DLGAP2: variants seen among roughly 807,000 people sequenced by gnomAD.
DLGAP2 encodes the protein disks large-associated protein 2.
Under a neutral mutation model 100.3 loss-of-function variants are expected in DLGAP2, and 26 were observed. The ratio of observed to expected loss-of-function variants is 0.26; its 90% CI spans 0.19 to 0.36. The LOEUF (loss-of-function observed/expected upper bound fraction) is 0.36. Among genes scored for constraint, DLGAP2 ranks in the 10% least tolerant of loss-of-function variants. The pLI is 1.00. For synonymous variants in DLGAP2, 886 were observed against 630.1 expected (o/e 1.41, Z -6.08); for missense variants, 1,858 against 1,453.2 (o/e 1.28, Z -4.53).
chr8:1,013,163 C>G (rs1218650918), intron 2 of DLGAP2, among the ~76,000 whole-genome samples: 3 of 152,190 alleles, frequency 2.0e-5, no homozygotes, highest in Non-Finnish European at 4.4e-5. Context: ...GCCTGTGCTG[C>G]TAATTCCTTT....
chr8:1,234,169 A>T (rs972042904), intron 2 of DLGAP2, among the ~76,000 whole-genome samples: 1 of 152,244 alleles, frequency 6.6e-6, no homozygotes, highest in African/African-American at 2.4e-5. Flanking sequence ...GAAAGCGGAA[A>T]GTCCTGTGCG....
At chr8:905,143 AT>A (rs1399102257) in intron 1 of DLGAP2, among the ~76,000 whole-genome samples, 1 of 152,010 alleles carries the variant, frequency 6.6e-6, no homozygotes, top group Non-Finnish European at 1.5e-5. Context: ...AAGGTTGATG[AT>A]TTGTCTTGGA....
chr8:1,365,392 T>G (rs2129679576), intron 3 of DLGAP2, among the ~76,000 whole-genome samples: 1 of 152,238 alleles, frequency 6.6e-6, no homozygotes, highest in East Asian at 1.9e-4. Flanking sequence ...TTCCTGCCTC[T>G]CCACTGGCTC....
intron 2 of DLGAP2, among the ~76,000 whole-genome samples, chr8:1,081,756 C>T (rs1244913487): frequency 6.6e-6 from 1 of 152,182 alleles, no homozygotes; most frequent in Non-Finnish European, 1.5e-5. Flanking sequence ...CCAAAGTTCA[C>T]CCAGGATACT....
chr8:1,279,850 C>T (rs975734634), intron 3 of DLGAP2, among the ~76,000 whole-genome samples: 11 of 152,188 alleles, frequency 7.2e-5, no homozygotes, highest in African/African-American at 2.4e-4. Flanking sequence ...TGACCTTGAC[C>T]GCCCTCTGTT....
chr8:1,188,957 T>A (rs1366348462), intron 2 of DLGAP2, among the ~76,000 whole-genome samples: 1 of 152,026 alleles, frequency 6.6e-6, no homozygotes, highest in Non-Finnish European at 1.5e-5. Flanking sequence ...GCGGTTGGGG[T>A]TGACCGTACA....
At chr8:1,214,350 C>T (rs111805077) in intron 2 of DLGAP2, among the ~76,000 whole-genome samples, 11 of 152,160 alleles carry the variant, frequency 7.2e-5, no homozygotes, top group African/African-American at 2.4e-4. Context: ...CGTGAGCAGC[C>T]CAGGGTGCTT....
At chr8:774,149 T>C (rs1821445440) in intron 1 of DLGAP2, among the ~76,000 whole-genome samples, 1 of 152,218 alleles carries the variant, frequency 6.6e-6, no homozygotes, top group African/African-American at 2.4e-5. Context: ...ATGTCTTCTT[T>C]TGAGAAGTGT....
In DLGAP2 at chr8:1,692,463, A is replaced by ACGGCCC. The variant is rs1456770851; in HGVS notation, c.2796+837_2796+838insCGGCCC. On this transcript the variant is annotated intron_variant, in intron 13 of 14. Transcript: ENST00000637795. ...GCGGTACCGAGGCAGGGAGGTGGAT[A>ACGGCCC]TGGCCCTGGTTTAAGCAGTACCGAG... Among the ~76,000 whole-genome samples, 1,009 of 150,946 alleles carry ACGGCCC rather than the reference A, an allele frequency of 6.7e-3. 121 individuals carry two copies. Among genetic ancestry groups the ACGGCCC allele is most frequent in the South Asian group, 0.022 (103 of 4,716 alleles).
intron 2 of DLGAP2, among the ~76,000 whole-genome samples, chr8:1,175,832 G>C (rs185494285): frequency 2.0e-5 from 3 of 152,282 alleles, no homozygotes; most frequent in African/African-American, 4.8e-5. Context: ...GAAGGCACTC[G>C]GCATTGGATT....
intron 2 of DLGAP2, among the ~76,000 whole-genome samples, chr8:1,170,224 G>A (rs1280904956): frequency 5.9e-5 from 9 of 152,284 alleles, no homozygotes; most frequent in Non-Finnish European, 1.0e-4. Context: ...TGCATCCCAG[G>A]GATGAAGCCC....
At chr8:771,013 A>G (rs1172582951) in intron 1 of DLGAP2, among the ~76,000 whole-genome samples, 2 of 151,898 alleles carry the variant, frequency 1.3e-5, no homozygotes, top group Non-Finnish European at 2.9e-5. Context: ...ATGATTTTGG[A>G]AGTGTGAGTG....
chr8:1,010,437 CACAT>C (rs1231759033), intron 2 of DLGAP2, among the ~76,000 whole-genome samples: 2 of 152,234 alleles, frequency 1.3e-5, no homozygotes, highest in Non-Finnish European at 2.9e-5. Flanking sequence ...CATATGCACA[CACAT>C]ACTCATATTC....
intron 3 of DLGAP2, among the ~76,000 whole-genome samples, chr8:1,364,145 G>T (rs776597313): frequency 6.6e-6 from 1 of 152,122 alleles, no homozygotes; most frequent in Admixed American, 6.5e-5. Context: ...CCCGTCTCCC[G>T]TGCCTCCTCC....
chr8:783,617 A>T (rs1182726303), intron 1 of DLGAP2, among the ~76,000 whole-genome samples: 1 of 152,140 alleles, frequency 6.6e-6, no homozygotes, highest in Non-Finnish European at 1.5e-5. Flanking sequence ...TTCTTATCTT[A>T]GGGTTTACGG....
chr8:1,181,836 C>T (rs1217856295), intron 2 of DLGAP2, among the ~76,000 whole-genome samples: 1 of 152,182 alleles, frequency 6.6e-6, no homozygotes, highest in Non-Finnish European at 1.5e-5. Context: ...GTGACAGGTA[C>T]CACCTTCCTC....
chr8:1,623,547 GTGATAA>G (rs1797407336), intron 6 of DLGAP2, among the ~76,000 whole-genome samples: 2 of 148,826 alleles, frequency 1.3e-5, no homozygotes, highest in Non-Finnish European at 3.0e-5. Flanking sequence ...ACACCAGTGC[GTGATAA>G]CCTGGCACCA....
At chr8:1,130,108 AAGGGAT>A (rs1796258353) in intron 2 of DLGAP2, among the ~76,000 whole-genome samples, 5 of 148,716 alleles carry the variant, frequency 3.4e-5, no homozygotes, top group Non-Finnish European at 5.9e-5. Flanking sequence ...CACGCGAGTT[AAGGGAT>A]CGTGTCAGAC....
rs960465214 is a variant in DLGAP2, at chr8:1,037,956, C to G, written c.73+129990C>G. ...TGACCACACTTTGAGAACCTCTGCG[C>G]TAAGCTGAGGTTTTGTAGACACGGA... is the stretch of plus-strand genomic sequence containing the variant. On this transcript the variant is annotated intron_variant, in intron 2 of 14. Transcript: ENST00000637795. 4.6e-5 allele frequency among the ~76,000 whole-genome samples: 7 copies of G among 152,214 alleles called. No homozygotes were observed. The South Asian group carries it at 1.0e-3, about 23-fold the overall frequency.
Sources: gnomAD v4.1 joint callset for allele counts (sites outside exome capture counted in the v4.1 genomes callset) on GRCh38, gnomAD v4.1.1 for gene constraint, MANE v1.5 for transcripts, NCBI Gene and HGNC (gene_info 2026-07-23, HGNC 2026-07-21) for gene names.